Variants in PSME4 observed in about 807,000 individuals in gnomAD.
PSME4 encodes the protein proteasome activator subunit 4.
Under a neutral mutation model 253.9 loss-of-function variants are expected in PSME4, and 89 were observed. The observed-to-expected ratio is 0.35, with a 90% CI of 0.30 to 0.42. The LOEUF (loss-of-function observed/expected upper bound fraction) is 0.42, where lower values mean the gene tolerates loss of function less well. Among genes scored for constraint, PSME4 ranks in the 10% least tolerant of loss-of-function variants. PSME4 has a pLI of 1.00. For missense variants in PSME4, 2,014 were observed against 2,195.2 expected (o/e 0.92, Z 1.65); for synonymous variants, 851 against 759.2 (o/e 1.12, Z -1.99).
chr2:53,891,923 G>C lies in PSME4; in HGVS notation c.4191+885C>G, dbSNP rs78651077. Among the ~76,000 whole-genome samples the C allele has an allele frequency of 4.0e-3, 614 of 151,688 alleles. 1 individual carries two copies. Among genetic ancestry groups the C allele is most frequent in the African/African-American group, 0.014 (579 of 41,354 alleles). Reference sequence around the variant, plus strand: ...TGGACGGATGGATGGACAGACGGAAGGACAGATGGAAGGAAGGAAGGAAGG... The same window carrying C: ...TGGACGGATGGATGGACAGACGGAACGACAGATGGAAGGAAGGAAGGAAGG... On this transcript the variant is annotated intron_variant, in intron 36 of 46. Transcript: ENST00000404125.
Position 53,970,931 on chromosome 2 carries a change from T to G in PSME4, c.-147A>C. The stretch of plus-strand genomic sequence containing the variant: ...GGACCGATCGCTAGGCCCCCTTCCC[T>G]GGCCGGCGTGCTGCTGGGCCCCACG... On this transcript the variant is annotated 5_prime_UTR_variant, in exon 1 of 47. Coordinates refer to ENST00000404125, the MANE Select transcript of PSME4 (RefSeq NM_014614.3). 1 of 608,606 alleles carries G rather than the reference T, an allele frequency of 1.6e-6. No homozygotes were observed. Among genetic ancestry groups the G allele is most frequent in the Non-Finnish European group, 2.6e-6 (1 of 386,804 alleles). The allele number at this position is 608,606 out of a possible 1,614,324, so 37.7% of individuals were successfully genotyped here. A position where few individuals can be genotyped will look rare whatever the true frequency, so the allele number is the denominator to read the frequency against.
intron 9 of PSME4, among the ~76,000 whole-genome samples, 166 bp downstream of exon 9, chr2:53,932,502 T>C (rs1221513750): frequency 6.6e-6 from 1 of 152,248 alleles, no homozygotes; most frequent in African/African-American, 2.4e-5. Flanking sequence ...ATTTATTTAA[T>C]TTATATGCTC....
At chr2:53,916,241 C>A (rs79936540) in intron 20 of PSME4, among the ~76,000 whole-genome samples, 870 of 104,560 alleles carry the variant, frequency 8.3e-3, no homozygotes, top group Admixed American at 0.012. Context: ...GACTCTGTCT[C>A]AAAAAAAAAA....
chr2:53,933,443 A>T (rs805353), intron 8 of PSME4, among the ~76,000 whole-genome samples: 27,398 of 149,662 alleles, frequency 0.18, 2,687 homozygotes, highest in South Asian at 0.24. Context: ...GCAGTGGCAC[A>T]AACATGGTTC....
Position 53,937,423 on chromosome 2 carries a change from G to A in PSME4, c.663C>T (p.Ser221=). The A allele has an allele frequency of 6.2e-7, 1 of 1,607,950 alleles. No homozygotes were observed. Among genetic ancestry groups the A allele is most frequent in the Non-Finnish European group, 8.5e-7 (1 of 1,176,538 alleles). Residue 221 remains serine, a synonymous_variant, in exon 5 of 47, where the codon TCC becomes TCT. Transcript: ENST00000404125. ...CTTTATGATGAAGTTCTGGAGGAAGGGAGGTAGGAAGAAATATTTCAAAAT... is the reference window on the plus strand; with the variant it reads ...CTTTATGATGAAGTTCTGGAGGAAGAGAGGTAGGAAGAAATATTTCAAAAT... ...ITYFEIFLPT[S]LPPELHHKGF...
At chr2:53,905,044 GT>G (rs569890497) in intron 26 of PSME4, among the ~76,000 whole-genome samples, 137 of 133,122 alleles carry the variant, frequency 1.0e-3, no homozygotes, top group Middle Eastern at 3.8e-3. Flanking sequence ...ACTATAACCA[GT>G]TTTTTTTTTT....
rs1680160019 is a variant in PSME4, at chr2:53,896,855, T to G, written c.3637A>C (p.Lys1213Gln). 6.2e-7 allele frequency: 1 copy of G among 1,612,498 alleles called. No individual in the cohort carries two copies. Among genetic ancestry groups the G allele is most frequent in the Admixed American group, 1.7e-5 (1 of 59,998 alleles). Residue 1213 changes from lysine to glutamine, a missense_variant, in exon 32 of 47, where the codon AAA (lysine) becomes CAA (glutamine). Physicochemically the swap from Lys to Gln is moderately conservative, Grantham distance 53. Around this residue, in one of 4 missense-constraint regions of PSME4, gnomAD observed 989 missense variants for 1,021.1 expected, o/e 0.97. Coordinates refer to ENST00000404125, the MANE Select transcript of PSME4 (RefSeq NM_014614.3). ...TTTTTGTGGGTTCTTTTTAGCTGTT[T>G]AAGGATACCAGCAACAGCTGAGATA... ...MAISAVAGIL[K>Q]QLKRTHKKLT...
chr2:53,965,711 G>A (rs954122542), intron 1 of PSME4, among the ~76,000 whole-genome samples: 1 of 150,740 alleles, frequency 6.6e-6, no homozygotes, highest in African/African-American at 2.4e-5. Context: ...TGTCGCCCAG[G>A]CTGGAGTGCA....
chr2:53,880,549 C>T (rs1163109438), intron 41 of PSME4, among the ~76,000 whole-genome samples: 2 of 152,130 alleles, frequency 1.3e-5, no homozygotes, highest in African/African-American at 4.8e-5. Flanking sequence ...CAACAGAAAA[C>T]TGGTTAAATT....
At chr2:53,913,131 G>A (rs1667903527) in intron 20 of PSME4, among the ~76,000 whole-genome samples, 3 of 151,986 alleles carry the variant, frequency 2.0e-5, no homozygotes, top group Admixed American at 2.0e-4. Context: ...AATAATTCCA[G>A]CACAACATAC....
intron 4 of PSME4, among the ~76,000 whole-genome samples, chr2:53,938,446 G>C (rs1669228156): frequency 6.7e-6 from 1 of 149,698 alleles, no homozygotes; most frequent in Non-Finnish European, 1.5e-5. Context: ...GAGGATACAT[G>C]TAAAACTGCT....
At chr2:53,943,383 G>C (rs1204846422) in intron 3 of PSME4, among the ~76,000 whole-genome samples, 1 of 152,066 alleles carries the variant, frequency 6.6e-6, no homozygotes, top group African/African-American at 2.4e-5. Context: ...AGTTATACTT[G>C]CCTTCTCTAC....
intron 1 of PSME4, among the ~76,000 whole-genome samples, chr2:53,952,657 C>G (rs1400500067): frequency 6.6e-6 from 1 of 152,218 alleles, no homozygotes; most frequent in Admixed American, 6.5e-5. Context: ...AGCCAGCAGT[C>G]CCCAACCTTT....
At chr2:53,928,457 A>G (rs1452858335) in intron 10 of PSME4, among the ~76,000 whole-genome samples, 154 bp from the exon 11 acceptor site, 1 of 152,224 alleles carries the variant, frequency 6.6e-6, no homozygotes, top group Non-Finnish European at 1.5e-5. Flanking sequence ...AAAGTTAACA[A>G]TTACAGTAGC....
intron 41 of PSME4, among the ~76,000 whole-genome samples, chr2:53,884,503 C>T (rs1290849754): frequency 8.5e-5 from 13 of 152,288 alleles, no homozygotes; most frequent in African/African-American, 2.6e-4. Flanking sequence ...ACCACCACAC[C>T]GGGCCTCTAT....
chr2:53,900,648 G>A (rs972661975), intron 28 of PSME4, among the ~76,000 whole-genome samples: 19 of 152,314 alleles, frequency 1.2e-4, no homozygotes, highest in Non-Finnish European at 2.2e-4. Flanking sequence ...TTTATGATAT[G>A]TGAATTACAT....
At chr2:53,943,934 A>G (rs893294150) in intron 3 of PSME4, among the ~76,000 whole-genome samples, 5 of 152,016 alleles carry the variant, frequency 3.3e-5, no homozygotes, top group African/African-American at 1.2e-4. Context: ...CATTAAAATT[A>G]CTTTTAAAAA....
At chr2:53,873,353 A>G (rs1466999699) in intron 43 of PSME4, among the ~76,000 whole-genome samples, 2 of 152,192 alleles carry the variant, frequency 1.3e-5, no homozygotes, top group African/African-American at 2.4e-5. Context: ...AGGGAGGTAG[A>G]GAAATTTCCA....
At chr2:53,898,272 T>C in intron 30 of PSME4, 29 bp downstream of exon 30, 1 of 1,582,822 alleles carries the variant, frequency 6.3e-7, no homozygotes, top group Admixed American at 1.8e-5. Flanking sequence ...AAAAATGCTG[T>C]GAGAATTACA....
Sources: allele counts gnomAD v4.1 joint callset (sites outside exome capture counted in the v4.1 genomes callset), GRCh38; gene constraint gnomAD v4.1.1; regional missense constraint gnomAD v4.1.1; transcripts MANE v1.5; gene names NCBI Gene and HGNC (gene_info 2026-07-23, HGNC 2026-07-21).